The following ANKS1B variants were observed in gnomAD, a reference collection of about 807,000 sequenced individuals.
ANKS1B encodes the protein ankyrin repeat and sterile alpha motif domain containing 1B.
A neutral mutation model predicts 148.3 loss-of-function variants in ANKS1B; 36 were observed. The observed-to-expected ratio is 0.24, with a 90% CI of 0.19 to 0.32. The LOEUF (loss-of-function observed/expected upper bound fraction) is 0.32. Ranked by LOEUF, ANKS1B falls within the 10% of genes least tolerant of loss-of-function variation. ANKS1B has a pLI of 1.00. For synonymous variants in ANKS1B, 542 were observed against 560.8 expected (o/e 0.97, Z 0.47); for missense variants, 1,157 against 1,542.6 (o/e 0.75, Z 4.19).
intron 4 of ANKS1B, among the ~76,000 whole-genome samples, chr12:99,787,847 A>C (rs966719329): frequency 2.8e-4 from 42 of 152,212 alleles, no homozygotes; most frequent in African/African-American, 8.7e-4. Flanking sequence ...GAGGAACTTT[A>C]CATTGAACTC....
At chr12:99,927,520 G>C (rs1389559847) in intron 1 of ANKS1B, among the ~76,000 whole-genome samples, 2 of 152,190 alleles carry the variant, frequency 1.3e-5, no homozygotes, top group Admixed American at 6.5e-5. Context: ...TAGGAAGAAT[G>C]TCTCTTTGCT....
chr12:99,182,013 T>A (rs1438454602), intron 14 of ANKS1B, among the ~76,000 whole-genome samples: 1 of 152,122 alleles, frequency 6.6e-6, no homozygotes, highest in Non-Finnish European at 1.5e-5. Flanking sequence ...ATTTTCACAC[T>A]GCTATAAAGA....
At chr12:99,562,355 TC>T (rs1448675616) in intron 9 of ANKS1B, among the ~76,000 whole-genome samples, 1 of 152,098 alleles carries the variant, frequency 6.6e-6, no homozygotes, top group African/African-American at 2.4e-5. Context: ...GACAAAAGAG[TC>T]AGCCTGTCCT....
At chr12:99,633,983 T>C (rs1388178132) in intron 9 of ANKS1B, among the ~76,000 whole-genome samples, 1 of 152,070 alleles carries the variant, frequency 6.6e-6, no homozygotes, top group Non-Finnish European at 1.5e-5. Flanking sequence ...TTTTGGACAT[T>C]TGGGTTGGTG....
At chr12:98,738,629 C>G (rs2097784653) in intron 9 of ANKS1B, among the ~76,000 whole-genome samples, 1 of 152,114 alleles carries the variant, frequency 6.6e-6, no homozygotes, top group African/African-American at 2.4e-5. Context: ...TAATCGGTGA[C>G]AAAGCCAGGG....
intron 15 of ANKS1B, among the ~76,000 whole-genome samples, chr12:99,110,083 G>T (rs1172659302): frequency 6.6e-6 from 1 of 152,146 alleles, no homozygotes; most frequent in Non-Finnish European, 1.5e-5. Context: ...TCTGGGCCCA[G>T]AGTAGATGCC....
At chr12:99,506,568 G>A (rs1220329813) in intron 9 of ANKS1B, among the ~76,000 whole-genome samples, 1 of 151,992 alleles carries the variant, frequency 6.6e-6, no homozygotes, top group Non-Finnish European at 1.5e-5. Context: ...TCTATCCAGA[G>A]AAGCCTTATA....
At chr12:99,278,958 C>G (rs2078037753) in intron 12 of ANKS1B, among the ~76,000 whole-genome samples, 1 of 152,132 alleles carries the variant, frequency 6.6e-6, no homozygotes, top group South Asian at 2.1e-4. Context: ...GCATATGGCA[C>G]TTGGTACAAA....
intron 11 of ANKS1B, among the ~76,000 whole-genome samples, chr12:99,410,465 C>T (rs550120216): frequency 6.6e-6 from 1 of 152,052 alleles, no homozygotes; most frequent in Non-Finnish European, 1.5e-5. Flanking sequence ...GTCAGGAGAT[C>T]GAGACCATCC....
chr12:99,304,961 G>A (rs2154022718), intron 12 of ANKS1B, among the ~76,000 whole-genome samples: 1 of 152,164 alleles, frequency 6.6e-6, no homozygotes, highest in Middle Eastern at 3.4e-3. Context: ...AGGAAAAGAG[G>A]CTTATTGGCT....
chr12:99,318,584 G>A (rs2084617926), intron 12 of ANKS1B, among the ~76,000 whole-genome samples: 1 of 152,036 alleles, frequency 6.6e-6, no homozygotes, highest in South Asian at 2.1e-4. Flanking sequence ...AGTCTTGCTA[G>A]TGGTCTATTA....
At chr12:99,382,898 T>C (rs564156092) in intron 12 of ANKS1B, among the ~76,000 whole-genome samples, 5 of 152,206 alleles carry the variant, frequency 3.3e-5, no homozygotes, top group South Asian at 4.2e-4. Context: ...CTTAGATATA[T>C]TATACCTGAG....
chr12:99,268,643 C>T lies in ANKS1B; in HGVS notation c.1757-21779G>A, dbSNP rs372324274. ...CATAAAATGACCCCCAACTCCAACA[C>T]ATACACATGCTGGTAGTGATATAAA... On this transcript the variant is annotated intron_variant, in intron 12 of 26. Coordinates refer to ENST00000683438, the MANE Select transcript of ANKS1B (RefSeq NM_001352186.2). Among the ~76,000 whole-genome samples, 7 of 152,230 alleles carry T rather than the reference C, an allele frequency of 4.6e-5. No homozygotes were observed. The East Asian group carries it at 5.8e-4, about 13-fold the overall frequency.
At chr12:99,266,252 G>A (rs1241952103) in intron 12 of ANKS1B, among the ~76,000 whole-genome samples, 1 of 152,158 alleles carries the variant, frequency 6.6e-6, no homozygotes, top group Non-Finnish European at 1.5e-5. Context: ...CAAGGAGACT[G>A]AGGCTTACAT....
chr12:99,892,556 T>G lies in ANKS1B; in HGVS notation c.135-67167A>C, dbSNP rs115304464. Among the ~76,000 whole-genome samples, 827 of 152,300 alleles carry G rather than the reference T, an allele frequency of 5.4e-3. 7 individuals are homozygous for G. Among genetic ancestry groups the G allele is most frequent in the African/African-American group, 0.019 (786 of 41,566 alleles). ...AAAAAGCCAAGAAAACAACCTGATT[T>G]ACACAACAAAAATCTTCAAAGGGTT... is the stretch of plus-strand genomic sequence containing the variant. On this transcript the variant is annotated intron_variant, in intron 1 of 26. Coordinates refer to ENST00000683438, the MANE Select transcript of ANKS1B (RefSeq NM_001352186.2).
At chr12:99,094,164 T>C (rs751233496) in intron 15 of ANKS1B, among the ~76,000 whole-genome samples, 2 of 152,168 alleles carry the variant, frequency 1.3e-5, no homozygotes, top group Non-Finnish European at 1.5e-5. Flanking sequence ...TGAGATACAA[T>C]GAGATCAGGA....
At chr12:98,961,818 C>A (rs1275306298) in intron 17 of ANKS1B, among the ~76,000 whole-genome samples, 1 of 151,974 alleles carries the variant, frequency 6.6e-6, no homozygotes, top group East Asian at 1.9e-4. Context: ...TCTATGCAAT[C>A]AGTATTAAGT....
intron 12 of ANKS1B, among the ~76,000 whole-genome samples, chr12:99,289,606 TAACAAGA>T (rs931065868): frequency 8.6e-5 from 13 of 151,828 alleles, no homozygotes; most frequent in Admixed American, 2.0e-4. Flanking sequence ...TAGAAATCAA[TAACAAGA>T]AGAATGTTAG....
chr12:99,154,179 T>G lies in ANKS1B; in HGVS notation c.2526+110A>C, dbSNP rs1007376923. The G allele has an allele frequency of 2.1e-4, 290 of 1,365,844 alleles. 1 individual carries two copies. Among genetic ancestry groups the G allele is most frequent in the Non-Finnish European group, 4.5e-5 (45 of 997,120 alleles). 84.6% of individuals were successfully genotyped at this position (1,365,844 alleles called of 1,614,324 possible). A position where few individuals can be genotyped will look rare whatever the true frequency, so the allele number is the denominator to read the frequency against. On this transcript the variant is annotated intron_variant, in intron 15 of 26. Transcript: ENST00000683438. ...TCCAATTTTCCAATGCAGTTACATA[T>G]ATAAATCTGACCAGTTTTGGTGCAA...
Sources: gnomAD v4.1 joint callset for allele counts (sites outside exome capture counted in the v4.1 genomes callset) on GRCh38, gnomAD v4.1.1 for gene constraint, MANE v1.5 for transcripts, NCBI Gene and HGNC (gene_info 2026-07-23, HGNC 2026-07-21) for gene names.